Variants in GCC2 observed in about 807,000 individuals in gnomAD.
GCC2 encodes GRIP and coiled-coil domain-containing protein 2.
In GCC2, 120 loss-of-function variants were observed where a neutral mutation model predicts 210.6. The observed-to-expected ratio is 0.57, with a 90% CI of 0.49 to 0.66. The LOEUF (loss-of-function observed/expected upper bound fraction) is 0.66. Ranked by LOEUF, GCC2 falls within the 30% of genes least tolerant of loss-of-function variation. GCC2 has a pLI of 0.00. For missense variants in GCC2, 1,868 were observed against 1,871.9 expected (o/e 1.00, Z 0.04); for synonymous variants, 703 against 652.7 (o/e 1.08, Z -1.17).
At chr2:108,491,356 A>T (rs796811513) in intron 18 of GCC2, among the ~76,000 whole-genome samples, 16 of 152,278 alleles carry the variant, frequency 1.1e-4, no homozygotes, top group African/African-American at 3.4e-4. Flanking sequence ...TGCTTAGACT[A>T]TTTTTGTAAC....
At chr2:108,467,254 C>G (rs1393784004) in intron 4 of GCC2, among the ~76,000 whole-genome samples, 1 of 152,122 alleles carries the variant, frequency 6.6e-6, no homozygotes, top group African/African-American at 2.4e-5. Flanking sequence ...TTCCTAGACT[C>G]TTGATATTCT....
chr2:108,489,045 A>C (rs1027692346), intron 17 of GCC2, among the ~76,000 whole-genome samples: 1 of 152,202 alleles, frequency 6.6e-6, no homozygotes, highest in Non-Finnish European at 1.5e-5. Flanking sequence ...CTTATAATAT[A>C]AATACGTTTT....
At chr2:108,472,166 C>A in intron 6 of GCC2, 50 bp downstream of exon 6, 1 of 1,264,002 alleles carries the variant, frequency 7.9e-7, no homozygotes, top group Non-Finnish European at 1.1e-6. Context: ...TAGTTCAACT[C>A]TACAATATAT....
At chr2:108,452,357 C>A (rs747356955) in intron 3 of GCC2, 42 bp from the exon 4 acceptor site, 9 of 1,020,484 alleles carry the variant, frequency 8.8e-6, no homozygotes, top group Non-Finnish European at 1.4e-5. Context: ...TAATTATGTT[C>A]TTTATTTCTG....
At chr2:108,473,483 C>A (rs10496421) in intron 7 of GCC2, among the ~76,000 whole-genome samples, 3,808 of 152,168 alleles carry the variant, frequency 0.025, 67 homozygotes, top group African/African-American at 0.033. Flanking sequence ...GAGGTAGGAG[C>A]CTGATCATAA....
intron 19 of GCC2, chr2:108,494,020 T>C: frequency 4.2e-6 from 3 of 720,436 alleles, no homozygotes; most frequent in Non-Finnish European, 5.1e-6. Flanking sequence ...TCATTAAATT[T>C]CTCTGAACTT....
intron 4 of GCC2, among the ~76,000 whole-genome samples, chr2:108,456,158 G>A (rs909458419): frequency 2.6e-5 from 4 of 152,040 alleles, no homozygotes; most frequent in Non-Finnish European, 5.9e-5. Context: ...CTAATTTTTT[G>A]TATTTTTTAG....
At chr2:108,484,830 A>T (rs1682048118) in intron 13 of GCC2, 1 of 152,000 alleles carries the variant, frequency 6.6e-6, no homozygotes, top group African/African-American at 2.4e-5. Context: ...GTAGCCTTGT[A>T]GTATAGTTTG....
intron 21 of GCC2, among the ~76,000 whole-genome samples, chr2:108,497,794 A>G (rs2459174): frequency 3.9e-5 from 6 of 152,268 alleles, no homozygotes; most frequent in East Asian, 3.9e-4. Flanking sequence ...CATACTGCTT[A>G]TTGAGGAGTT....
intron 22 of GCC2, among the ~76,000 whole-genome samples, chr2:108,504,463 G>A (rs1026641220): frequency 1.4e-4 from 21 of 152,074 alleles, no homozygotes; most frequent in South Asian, 4.1e-4. Flanking sequence ...TCAGAGTAGC[G>A]TGTTACAACT....
intron 4 of GCC2, among the ~76,000 whole-genome samples, chr2:108,463,781 G>C (rs1054928851): frequency 2.0e-5 from 3 of 152,178 alleles, no homozygotes; most frequent in Admixed American, 6.5e-5. Flanking sequence ...AACAGCAGTG[G>C]TGGGACAACC....
chr2:108,469,175 T>A (rs1681056669), intron 5 of GCC2, 91 bp downstream of exon 5: 1 of 637,846 alleles, frequency 1.6e-6, no homozygotes, highest in Non-Finnish European at 2.7e-6. Flanking sequence ...GCATCTAATC[T>A]GATTAATATT....
rs138827624 is a variant in GCC2 at position 108,472,833 on chromosome 2, T to G, written c.2794T>G (p.Leu932Val). ...TTTCCCCTGTAAAATCTAGGATTCC[T>G]TAGCAAAATCACCTTCTGTAAAAAA... Reference protein sequence around the residue: ...RAELILLKDSLAKSPSVKNDP... With the variant: ...RAELILLKDSVAKSPSVKNDP... Residue 932 changes from leucine to valine, a missense_variant, in exon 7 of 23, where the codon TTA becomes GTA. By Grantham distance (32) the Leu-to-Val change is conservative. Around this residue, in one of 3 missense-constraint regions of GCC2, gnomAD observed 1,847 missense variants for 1,765.2 expected, o/e 1.05. Transcript: ENST00000309863. 2.5e-6 allele frequency: 4 copies of G among 1,575,746 alleles called. No individual in the cohort carries two copies. The highest frequency in any genetic ancestry group is 1.4e-5 in the African/African-American group (1 of 73,906).
chr2:108,476,008 C>T (rs1043334405), intron 9 of GCC2, among the ~76,000 whole-genome samples, 158 bp downstream of exon 9: 1 of 149,456 alleles, frequency 6.7e-6, no homozygotes, highest in Non-Finnish European at 1.5e-5. Flanking sequence ...GTAATAGAAT[C>T]CTAATATCAA....
intron 22 of GCC2, among the ~76,000 whole-genome samples, chr2:108,505,410 C>G (rs1205518764): frequency 6.6e-6 from 1 of 152,178 alleles, no homozygotes; most frequent in East Asian, 1.9e-4. Context: ...CCCTCATTCC[C>G]TCCTCCAGAA....
chr2:108,486,398 ATTATGCCTTATATGTAC>A, intron 15 of GCC2, 96 bp from the exon 16 acceptor site: 2 of 928,626 alleles, frequency 2.2e-6, no homozygotes, highest in Non-Finnish European at 3.5e-6. Flanking sequence ...TCACTACTTA[ATTATGCCTTATATGTAC>A]TTATGTCTCA....
chr2:108,465,906 G>T (rs949099367), intron 4 of GCC2, among the ~76,000 whole-genome samples: 2 of 152,124 alleles, frequency 1.3e-5, no homozygotes, highest in Non-Finnish European at 2.9e-5. Flanking sequence ...CCAGGCCGGG[G>T]TGCAGTGGCA....
At position 108,492,581 on chromosome 2, in the gene GCC2, C is replaced by A; in HGVS notation, c.4238C>A (p.Ser1413Ter). Residue 1413 changes from serine to a stop codon, truncating the protein, a stop_gained, in exon 19 of 23, where the codon TCA (serine) becomes TAA (stop). Coordinates refer to ENST00000309863, the MANE Select transcript of GCC2 (RefSeq NM_181453.4). LOFTEE classifies it high-confidence loss of function. ...KEAELREKLCSIQSENMMMKS... is the reference protein window; with the variant it reads ...KEAELREKLC ...AGTTTCTCATCTTTCAGATTGTGTT[C>A]AATACAGTCAGAGAACATGATGATG... The A allele has an allele frequency of 6.2e-7, 1 of 1,603,132 alleles. No homozygotes were observed. The highest frequency in any genetic ancestry group is 1.1e-5 in the South Asian group (1 of 90,786).
intron 1 of GCC2, 135 bp downstream of exon 1, chr2:108,449,415 T>C (rs1679777555): frequency 7.0e-7 from 1 of 1,428,378 alleles, no homozygotes; most frequent in Non-Finnish European, 9.4e-7. Context: ...CGCCTCCCCA[T>C]CTTTCGTAAA....
Sources: gnomAD v4.1 joint callset for allele counts (sites outside exome capture counted in the v4.1 genomes callset) on GRCh38, gnomAD v4.1.1 for gene constraint, gnomAD v4.1.1 regional missense constraint, MANE v1.5 for transcripts, NCBI Gene and HGNC (gene_info 2026-07-23, HGNC 2026-07-21) for gene names.